The following RGPD3 variants were observed in gnomAD, a reference collection of about 807,000 sequenced individuals.
The protein encoded by RGPD3 is RANBP2 like and GRIP domain containing 3.
In RGPD3, 62 loss-of-function variants were observed where a neutral mutation model predicts 154.5. That is an observed-to-expected ratio of 0.40 (90% confidence interval 0.33 to 0.50). The LOEUF is 0.50. Among genes scored for constraint, RGPD3 ranks in the 20% least tolerant of loss-of-function variants. The pLI is 0.59. For synonymous variants in RGPD3, 308 were observed against 607.0 expected, an observed-to-expected ratio of 0.51 and a Z score of 7.24; for missense variants, 919 against 1,716.8, an observed-to-expected ratio of 0.54 and a Z score of 8.21.
intron 2 of RGPD3, 62 bp from the exon 3 acceptor site, chr2:106,457,740 CGAA>C (rs1678278418): frequency 1.7e-6 from 1 of 594,670 alleles, no homozygotes; most frequent in Non-Finnish European, 2.7e-6. Context: ...AAATGCTAAC[CGAA>C]GAATACATCT....
chr2:106,416,096 A>G, intron 20 of RGPD3, 107 bp from the exon 21 acceptor site: 3 of 1,526,780 alleles, frequency 2.0e-6, no homozygotes, highest in Non-Finnish European at 2.6e-6. Context: ...GATATTTTAT[A>G]GCTCTGCTTT....
intron 1 of RGPD3, among the ~76,000 whole-genome samples, chr2:106,466,901 G>A (rs1229820877): frequency 1.9e-5 from 2 of 104,858 alleles, no homozygotes; most frequent in Non-Finnish European, 4.0e-5. Flanking sequence ...GGTCGAGGCC[G>A]CCGCCTCCAC....
At chr2:106,470,049 T>C (rs561719609), upstream of RGPD3, among the ~76,000 whole-genome samples, 5 of 152,096 alleles carry the variant, frequency 3.3e-5, no homozygotes, top group African/African-American at 1.2e-4. Flanking sequence ...TCTATCTCAT[T>C]TGTAAAAAAA....
At chr2:106,410,090 G>T (rs1676625903) in intron 22 of RGPD3, among the ~76,000 whole-genome samples, 1 of 151,600 alleles carries the variant, frequency 6.6e-6, no homozygotes, top group East Asian at 2.0e-4. Flanking sequence ...TGGCCAGGCT[G>T]GTCTTGAACT....
intron 1 of RGPD3, among the ~76,000 whole-genome samples, chr2:106,466,175 A>G (rs1427150069): frequency 2.0e-5 from 3 of 152,010 alleles, no homozygotes; most frequent in African/African-American, 7.2e-5. Flanking sequence ...AGCGTCGGGA[A>G]CAAGCCGGGA....
intron 6 of RGPD3, among the ~76,000 whole-genome samples, chr2:106,449,443 G>C (rs1226329492): frequency 8.9e-6 from 1 of 112,580 alleles, no homozygotes; most frequent in Admixed American, 1.1e-4. Context: ...TCTAGCCTGG[G>C]CAACAAGAGC....
rs1408305818 is a variant in RGPD3, at chr2:106,467,534, G to A, written c.72+683C>T. Among the ~76,000 whole-genome samples, 9 of 103,476 alleles carry A rather than the reference G, an allele frequency of 8.7e-5. 1 individual carries two copies. Among genetic ancestry groups the A allele is most frequent in the Non-Finnish European group, 7.9e-5 (4 of 50,344 alleles). 67.9% of individuals were successfully genotyped at this position (103,476 alleles called of 152,430 possible). On this transcript the variant is annotated intron_variant, in intron 1 of 22. Transcript: ENST00000409886. ...ATCGAGGCCGCCGCTGGGCCGGGTT[G>A]AGGCCGCCGCCTCAACAGAGCGTGC...
At chr2:106,432,173 C>G (rs1356851508) in intron 17 of RGPD3, among the ~76,000 whole-genome samples, 2 of 148,952 alleles carry the variant, frequency 1.3e-5, no homozygotes, top group Non-Finnish European at 3.0e-5. Context: ...TAGTAAAGGG[C>G]TGGGTGCGGT....
upstream of RGPD3, chr2:106,470,661 G>A: frequency 6.3e-6 from 5 of 789,318 alleles, no homozygotes; most frequent in South Asian, 1.9e-5. Flanking sequence ...GTCAGTGTAT[G>A]TTAACTGAAT....
intron 6 of RGPD3, among the ~76,000 whole-genome samples, chr2:106,449,891 C>A (rs1369296321): frequency 6.6e-6 from 1 of 151,872 alleles, no homozygotes; most frequent in African/African-American, 2.4e-5. Context: ...GTGGCAGGCA[C>A]CTGTAGGCCC....
rs977620272 is a variant in RGPD3 at position 106,424,250 on chromosome 2, A to G, written c.3717T>C (p.Asn1239=). The G allele has an allele frequency of 6.2e-6, 10 of 1,611,976 alleles. No individual in the cohort carries two copies. The highest frequency in any genetic ancestry group is 8.5e-6 in the Non-Finnish European group (10 of 1,179,856). ...AGASDTTIKP[N]AENTGPTLEW... ...CTAATGTGGGCCCAGTGTTTTCAGCATTGGGTTTTATTGTTGTGTCTGAGG... is the reference window on the plus strand; with the variant it reads ...CTAATGTGGGCCCAGTGTTTTCAGCGTTGGGTTTTATTGTTGTGTCTGAGG... The change falls in exon 20 of 23, where the codon AAT becomes AAC. Residue 1239 remains asparagine, a synonymous_variant. Transcript: ENST00000409886.
At chr2:106,413,622 G>C (rs1676737797) in intron 21 of RGPD3, among the ~76,000 whole-genome samples, 1 of 152,232 alleles carries the variant, frequency 6.6e-6, no homozygotes, top group African/African-American at 2.4e-5. Flanking sequence ...TTGGAAGGAA[G>C]AGGGGTGAAG....
chr2:106,420,284 A>G (rs1573247873), intron 20 of RGPD3, among the ~76,000 whole-genome samples: 1 of 148,910 alleles, frequency 6.7e-6, no homozygotes. Flanking sequence ...AAAATCTAAG[A>G]CCATTCATAT....
intron 10 of RGPD3, 40 bp from the exon 11 acceptor site, chr2:106,436,629 TAAAC>T (rs1677567843): frequency 1.9e-6 from 3 of 1,610,218 alleles, no homozygotes; most frequent in Non-Finnish European, 2.5e-6. Flanking sequence ...AAAAAAAAAT[TAAAC>T]AAAATTCAGA....
At chr2:106,415,827 G>T in intron 21 of RGPD3, 23 bp downstream of exon 21, 3 of 1,611,644 alleles carry the variant, frequency 1.9e-6, no homozygotes, top group Non-Finnish European at 2.5e-6. Flanking sequence ...AGTTTTTATG[G>T]TGGCCAGGTT....
rs932548479 is a variant in RGPD3, at chr2:106,436,510, G to A, written c.1538C>T (p.Pro513Leu). The part of the protein sequence containing the change: ...KCNSHHSSYQ[P>L]LCLPLPVCKQ... ...ACACACAGGAAGGGGCAGGCATAAC[G>A]GCTGATAGGAGCTGTGGTGAGAATT... is the stretch of plus-strand genomic sequence containing the variant. Residue 513 changes from proline (P) to leucine (L), a missense_variant, in exon 11 of 23, where the codon CCG becomes CTG. By Grantham distance (98) the Pro-to-Leu change is moderately conservative. Transcript: ENST00000409886. The A allele has an allele frequency of 1.9e-5, 30 of 1,611,522 alleles. No homozygotes were observed. In the Admixed American group the frequency reaches 3.2e-4, roughly 17 times the overall value.
At chr2:106,442,175 C>T (rs1232239956) in intron 7 of RGPD3, among the ~76,000 whole-genome samples, 2 of 87,460 alleles carry the variant, frequency 2.3e-5, no homozygotes, top group East Asian at 2.6e-4. Flanking sequence ...GAGTGAGACC[C>T]TATCTCCAAC....
rs770332948 is a variant in RGPD3 at position 106,413,286 on chromosome 2, C to A, written c.5065-1G>T. 3.1e-6 allele frequency: 5 copies of A among 1,611,690 alleles called. No homozygotes were observed. Among genetic ancestry groups the A allele is most frequent in the Non-Finnish European group, 4.2e-6 (5 of 1,179,818 alleles). On this transcript the variant is annotated splice_acceptor_variant, in intron 21 of 22. Transcript: ENST00000409886. LOFTEE classifies it high-confidence loss of function. ...ATCTTCTTATTTCACTTTTGAGAAGCTGGTGTTAGAGAAATGAGTTAAAAA... is the reference window on the plus strand; with the variant it reads ...ATCTTCTTATTTCACTTTTGAGAAGATGGTGTTAGAGAAATGAGTTAAAAA...
At chr2:106,470,696 C>T (rs1678791563), upstream of RGPD3, 2 of 1,096,262 alleles carry the variant, frequency 1.8e-6, no homozygotes, top group African/African-American at 1.6e-5. Context: ...AACATTTATT[C>T]TGCAAGTAGA....
Sources: gnomAD v4.1 joint callset for allele counts (sites outside exome capture counted in the v4.1 genomes callset) on GRCh38, gnomAD v4.1.1 for gene constraint, MANE v1.5 for transcripts, NCBI Gene and HGNC (gene_info 2026-07-23, HGNC 2026-07-21) for gene names.